Variants in BRD7 observed in about 807,000 individuals in gnomAD.
The protein encoded by BRD7 is bromodomain-containing protein 7.
Under a neutral mutation model 82.1 loss-of-function variants are expected in BRD7, and 15 were observed. The ratio of observed to expected loss-of-function variants is 0.18; its 90% confidence interval spans 0.12 to 0.28. The LOEUF is 0.28. Among genes scored for constraint, BRD7 ranks in the 10% least tolerant of loss-of-function variants. The pLI is 1.00. For missense variants in BRD7, 638 were observed against 779.9 expected (o/e 0.82, Z 2.17); for synonymous variants, 232 against 266.9 (o/e 0.87, Z 1.27).
At chr16:50,331,610 G>A (rs1437644010) in intron 8 of BRD7, among the ~76,000 whole-genome samples, 1 of 152,202 alleles carries the variant, frequency 6.6e-6, no homozygotes, top group Non-Finnish European at 1.5e-5. Context: ...GCTGAGGCAG[G>A]AGAATTGCTT....
At chr16:50,326,522 C>T in intron 9 of BRD7, 131 bp from the exon 10 acceptor site, 1 of 503,292 alleles carries the variant, frequency 2.0e-6, no homozygotes, top group East Asian at 3.2e-5. Context: ...GAAGCGCTTA[C>T]TACATCCACT....
chr16:50,339,955 A>T, intron 6 of BRD7, 21 bp downstream of exon 6: 2 of 1,418,544 alleles, frequency 1.4e-6, no homozygotes, highest in Non-Finnish European at 2.0e-6. Context: ...ACTATTATTT[A>T]TGACAAAGAG....
At chr16:50,329,364 T>A (rs1184447771) in intron 8 of BRD7, among the ~76,000 whole-genome samples, 1 of 152,142 alleles carries the variant, frequency 6.6e-6, no homozygotes, top group African/African-American at 2.4e-5. Flanking sequence ...CTACTTGGCT[T>A]TAAAACCAAC....
At chr16:50,365,453 T>G (rs1389652437) in intron 2 of BRD7, among the ~76,000 whole-genome samples, 1 of 151,996 alleles carries the variant, frequency 6.6e-6, no homozygotes, top group African/African-American at 2.4e-5. Flanking sequence ...TTGTACAAAC[T>G]GCAAAAGCTC....
chr16:50,337,679 C>T (rs939796063), intron 6 of BRD7, among the ~76,000 whole-genome samples: 1 of 152,162 alleles, frequency 6.6e-6, no homozygotes, highest in Non-Finnish European at 1.5e-5. Flanking sequence ...AAACAGTTAT[C>T]TTTGAAAAGA....
At chr16:50,343,799 C>G (rs1329120275) in intron 5 of BRD7, among the ~76,000 whole-genome samples, 1 of 152,212 alleles carries the variant, frequency 6.6e-6, no homozygotes, top group Non-Finnish European at 1.5e-5. Context: ...AACAAAGCCA[C>G]CGGGAAGCTC....
At chr16:50,339,902 T>G (rs1183315801) in intron 6 of BRD7, 74 bp downstream of exon 6, 2 of 779,336 alleles carry the variant, frequency 2.6e-6, no homozygotes, top group African/African-American at 3.6e-5. Context: ...CTGTATTGTA[T>G]CTGTATTACT....
chr16:50,319,242 T>C lies in BRD7; in HGVS notation c.1925A>G (p.Asp642Gly). ...TCCACCAGGTCCACACTCAGCAACA[T>C]CCGTCTTTTTAGGTTCTTCAGTGTC... Reference protein sequence around the residue: ...TEDTEEPKKTDVAECGPGGS With the variant: ...TEDTEEPKKTGVAECGPGGS The change falls in exon 17 of 17, where the codon GAT (aspartate) becomes GGT (glycine). Residue 642 changes from aspartate to glycine, a missense_variant. Asp to Gly is a moderately conservative substitution (Grantham distance 94). Around this residue, in one of 3 missense-constraint regions of BRD7, gnomAD observed 402 missense variants for 500.8 expected, o/e 0.80. Coordinates refer to ENST00000394688, the MANE Select transcript of BRD7 (RefSeq NM_013263.5). 1 of 1,613,764 alleles carries C rather than the reference T, an allele frequency of 6.2e-7. No individual in the cohort carries two copies. Among genetic ancestry groups the C allele is most frequent in the Non-Finnish European group, 8.5e-7 (1 of 1,179,862 alleles).
At chr16:50,320,506 G>T in intron 14 of BRD7, 115 bp from the exon 15 acceptor site, 2 of 1,484,248 alleles carry the variant, frequency 1.3e-6, no homozygotes, top group Non-Finnish European at 1.8e-6. Flanking sequence ...AGAGTAATCC[G>T]CTTGAAATGA....
chr16:50,319,859 G>A (rs1490631450), intron 16 of BRD7, 28 bp downstream of exon 16: 2 of 1,605,394 alleles, frequency 1.2e-6, no homozygotes, highest in Admixed American at 1.7e-5. Context: ...ATAGCTTTCT[G>A]CTTTCCCAGA....
chr16:50,349,431 A>G, intron 5 of BRD7: 1 of 379,042 alleles, frequency 2.6e-6, no homozygotes, highest in Non-Finnish European at 5.2e-6. Context: ...ATCTAAAAAA[A>G]AAAAAGAAAG....
At chr16:50,352,149 T>G (rs2038551854) in intron 4 of BRD7, among the ~76,000 whole-genome samples, 1 of 152,238 alleles carries the variant, frequency 6.6e-6, no homozygotes, top group Non-Finnish European at 1.5e-5. Flanking sequence ...ATGAGTGAGA[T>G]GATGTCATAT....
intron 5 of BRD7, among the ~76,000 whole-genome samples, chr16:50,341,213 C>CACAG (rs1178920841): frequency 7.3e-6 from 1 of 137,470 alleles, no homozygotes; most frequent in Admixed American, 7.6e-5. Context: ...CACACACACA[C>CACAG]ACACACAGCT....
At chr16:50,333,917 G>A (rs1017081474) in intron 7 of BRD7, among the ~76,000 whole-genome samples, 2 of 152,156 alleles carry the variant, frequency 1.3e-5, no homozygotes, top group East Asian at 3.8e-4. Flanking sequence ...TTTCTGTCCA[G>A]TGTTACTTGT....
At chr16:50,320,469 A>C (rs571535427) in intron 14 of BRD7, 78 bp from the exon 15 acceptor site, 1 of 1,554,894 alleles carries the variant, frequency 6.4e-7, no homozygotes, top group African/African-American at 1.4e-5. Context: ...GGCTTTGCTA[A>C]TTATTGGTTA....
At chr16:50,330,881 A>T (rs117007811) in intron 8 of BRD7, among the ~76,000 whole-genome samples, 290 of 150,942 alleles carry the variant, frequency 1.9e-3, no homozygotes, top group Middle Eastern at 3.4e-3. Context: ...ACTTGAAATT[A>T]GGGTTACTAA....
Position 50,353,361 on chromosome 16 carries a change from G to A in BRD7, c.446+1064C>T, listed in dbSNP as rs66535459. On this transcript the variant is annotated intron_variant, in intron 4 of 16. Coordinates refer to ENST00000394688, the MANE Select transcript of BRD7 (RefSeq NM_013263.5). The stretch of plus-strand genomic sequence containing the variant: ...ATTACAGGTGTGAGCTACTATACTC[G>A]GTTAACTTCTGATCTTAACTGCAAA... 2.7e-3 allele frequency among the ~76,000 whole-genome samples: 410 copies of A among 151,930 alleles called. 1 individual carries two copies. Among genetic ancestry groups the A allele is most frequent in the African/African-American group, 9.5e-3 (394 of 41,450 alleles).
chr16:50,337,848 T>C (rs2037877669), intron 6 of BRD7, among the ~76,000 whole-genome samples: 1 of 150,770 alleles, frequency 6.6e-6, no homozygotes, highest in Non-Finnish European at 1.5e-5. Flanking sequence ...TAACACAGGA[T>C]GGGTGGGGCT....
chr16:50,338,864 T>TGGTGC (rs1442415937), intron 6 of BRD7, among the ~76,000 whole-genome samples: 6 of 152,236 alleles, frequency 3.9e-5, no homozygotes, highest in Non-Finnish European at 8.8e-5. Flanking sequence ...TGGTATGGTA[T>TGGTGC]GGTGCCAGGA....
Sources: allele counts gnomAD v4.1 joint callset (sites outside exome capture counted in the v4.1 genomes callset), GRCh38; gene constraint gnomAD v4.1.1; regional missense constraint gnomAD v4.1.1; transcripts MANE v1.5; gene names NCBI Gene and HGNC (gene_info 2026-07-23, HGNC 2026-07-21).